Variants in LIMCH1 observed in about 807,000 individuals in gnomAD.
LIMCH1 encodes the protein LIM and calponin homology domains 1, also known as LIM and calponin homology domains-containing protein 1.
Under a neutral mutation model 176.5 loss-of-function variants are expected in LIMCH1, and 113 were observed. The observed-to-expected ratio is 0.64, with a 90% CI of 0.55 to 0.75. The LOEUF is 0.75. Among genes scored for constraint, LIMCH1 ranks in the 30% least tolerant of loss-of-function variants. LIMCH1 has a pLI of 0.00. For missense variants in LIMCH1, 1,674 were observed against 1,814.9 expected (o/e 0.92, Z 1.41); for synonymous variants, 619 against 645.9 (o/e 0.96, Z 0.63).
At chr4:41,597,929 A>G (rs2152743954) in intron 1 of LIMCH1, among the ~76,000 whole-genome samples, 1 of 152,290 alleles carries the variant, frequency 6.6e-6, no homozygotes, top group South Asian at 2.1e-4. Flanking sequence ...CACTAAGTTG[A>G]ATTGCACGTG....
At position 41,414,622 on chromosome 4, in the gene LIMCH1, A is replaced by G. The variant is rs935561685; in HGVS notation, c.96+53686A>G. 2.6e-5 allele frequency among the ~76,000 whole-genome samples: 4 copies of G among 152,146 alleles called. No homozygotes were observed. In the East Asian group the frequency reaches 7.7e-4, roughly 29 times the overall value. ...CCTGGAGCCTGATGTAAAATTATGC[A>G]TTATGTCACTGTGTCAACTACTCAT... On this transcript the variant is annotated intron_variant, in intron 1 of 26. Transcript: ENST00000313860.
intron 4 of LIMCH1, among the ~76,000 whole-genome samples, chr4:41,606,880 C>T (rs1211414482): frequency 6.6e-6 from 1 of 152,210 alleles, no homozygotes; most frequent in African/African-American, 2.4e-5. Flanking sequence ...CTGACTGCAA[C>T]GTCCGCCTCC....
chr4:41,477,959 G>A lies in LIMCH1; in HGVS notation c.97-16577G>A, dbSNP rs141876161. Among the ~76,000 whole-genome samples, 6 of 152,292 alleles carry A rather than the reference G, an allele frequency of 3.9e-5. No individual in the cohort carries two copies. The East Asian group carries it at 9.6e-4, about 24-fold the overall frequency. Reference sequence around the variant, plus strand: ...GACTTGAGGAATATTAGTAGATGAAGATGTATTTCTGTAATATTTGAACTA... The same window carrying A: ...GACTTGAGGAATATTAGTAGATGAAAATGTATTTCTGTAATATTTGAACTA... On this transcript the variant is annotated intron_variant, in intron 1 of 26. Coordinates refer to the LIMCH1 transcript ENST00000313860.
At chr4:41,674,054 A>T (rs2095138092) in intron 22 of LIMCH1, among the ~76,000 whole-genome samples, 1 of 152,174 alleles carries the variant, frequency 6.6e-6, no homozygotes, top group Admixed American at 6.5e-5. Flanking sequence ...CAAAAGAAGG[A>T]GCAAGATCAT....
intron 2 of LIMCH1, among the ~76,000 whole-genome samples, chr4:41,599,759 A>T (rs77640175): frequency 0.037 from 5,712 of 152,332 alleles, 164 homozygotes; most frequent in Non-Finnish European, 0.054. Flanking sequence ...AAACATAGTT[A>T]CATAGATAGG....
rs1046523528 is a variant in LIMCH1, at chr4:41,501,067, C to T, written c.167+6461C>T. On this transcript the variant is annotated intron_variant, in intron 2 of 26. Transcript: ENST00000313860. Reference sequence around the variant, plus strand: ...ATGACATATTTCAGCATGGGGGCTCCGGGTGAGGTCACTGGGGAGTTCAGG... The same window carrying T: ...ATGACATATTTCAGCATGGGGGCTCTGGGTGAGGTCACTGGGGAGTTCAGG... Among the ~76,000 whole-genome samples, 4 of 152,076 alleles carry T rather than the reference C, an allele frequency of 2.6e-5. No individual in the cohort carries two copies. In the East Asian group the frequency reaches 5.8e-4, roughly 22 times the overall value.
chr4:41,607,655 T>A (rs140960252), intron 4 of LIMCH1, among the ~76,000 whole-genome samples: 57 of 152,376 alleles, frequency 3.7e-4, no homozygotes, highest in African/African-American at 1.3e-3. Context: ...TTCTTACTAC[T>A]AGTCCAGCTC....
intron 4 of LIMCH1, among the ~76,000 whole-genome samples, chr4:41,607,174 T>C (rs1033092627): frequency 3.3e-5 from 5 of 152,216 alleles, no homozygotes; most frequent in African/African-American, 1.2e-4. Flanking sequence ...TTCTCTAGTA[T>C]GCAAAATAAA....
intron 1 of LIMCH1, among the ~76,000 whole-genome samples, chr4:41,487,870 T>C (rs1183565399): frequency 6.6e-6 from 1 of 151,488 alleles, no homozygotes; most frequent in African/African-American, 2.4e-5. Context: ...GCCAGGATGG[T>C]CTCAATCTCC....
intron 21 of LIMCH1, among the ~76,000 whole-genome samples, chr4:41,669,317 A>T (rs1200774423): frequency 3.9e-5 from 6 of 152,222 alleles, no homozygotes; most frequent in Non-Finnish European, 2.9e-5. Flanking sequence ...AATGTATTCT[A>T]GTAATTGTAG....
chr4:41,438,699 T>TTG (rs1554048049), intron 1 of LIMCH1, among the ~76,000 whole-genome samples: 2 of 151,986 alleles, frequency 1.3e-5, no homozygotes, highest in African/African-American at 4.8e-5. Context: ...TATTTTTTTT[T>TTG]TTTGTTTTGC....
intron 22 of LIMCH1, among the ~76,000 whole-genome samples, chr4:41,675,138 T>A (rs1232002504): frequency 6.6e-6 from 1 of 152,166 alleles, no homozygotes; most frequent in Non-Finnish European, 1.5e-5. Context: ...CAAGTTTCAT[T>A]TGTCCAAATA....
chr4:41,598,324 C>G (rs1043728104), intron 1 of LIMCH1, among the ~76,000 whole-genome samples: 2 of 152,126 alleles, frequency 1.3e-5, no homozygotes, highest in Admixed American at 6.5e-5. Flanking sequence ...TCTTGACAGT[C>G]TTTTGCATTA....
intron 1 of LIMCH1, among the ~76,000 whole-genome samples, chr4:41,400,511 G>C (rs994477425): frequency 3.3e-5 from 5 of 152,164 alleles, no homozygotes; most frequent in Non-Finnish European, 7.4e-5. Context: ...CTGGAATGTA[G>C]GGAATTTTTC....
rs376424238 is a variant in LIMCH1, at chr4:41,494,598, C to T, written c.159C>T (p.Leu53=). ...GGACAGGTTTAGAAAATGGAATCCT[C>T]CTCTGCGAGTAAGTATAGCCTATAT... Residue 53 remains leucine (L), a synonymous_variant, in exon 2 of 27, where the codon CTC becomes CTT. Coordinates refer to the LIMCH1 transcript ENST00000313860. 3.7e-6 allele frequency: 6 copies of T among 1,608,476 alleles called. No individual in the cohort carries two copies. The Admixed American group carries it at 5.0e-5, about 13-fold the overall frequency.
chr4:41,640,229 G>A (rs2093764077), intron 14 of LIMCH1, among the ~76,000 whole-genome samples: 1 of 152,156 alleles, frequency 6.6e-6, no homozygotes, highest in African/African-American at 2.4e-5. Context: ...ACCTGCAATG[G>A]CAATATTTAA....
intron 2 of LIMCH1, among the ~76,000 whole-genome samples, chr4:41,514,947 G>A (rs143194964): frequency 2.0e-5 from 3 of 152,206 alleles, no homozygotes; most frequent in Non-Finnish European, 4.4e-5. Flanking sequence ...CCACATCTGA[G>A]ATTGTGTCAG....
Position 41,670,148 on chromosome 4 carries a change from G to A in LIMCH1, c.3398-1406G>A, listed in dbSNP as rs114658230. 6.2e-3 allele frequency among the ~76,000 whole-genome samples: 947 copies of A among 152,264 alleles called. 7 individuals are homozygous for A. Among genetic ancestry groups the A allele is most frequent in the Non-Finnish European group, 8.6e-3 (582 of 68,018 alleles). ...ACTGATGTTTCAGTAAAATATGTGC[G>A]CATTAAAAACTGATTTTTTTATTGA... On this transcript the variant is annotated intron_variant, in intron 21 of 31. Transcript: ENST00000503057.
intron 8 of LIMCH1, among the ~76,000 whole-genome samples, chr4:41,627,736 C>T (rs1458552807): frequency 6.6e-6 from 1 of 152,190 alleles, no homozygotes; most frequent in Non-Finnish European, 1.5e-5. Flanking sequence ...GATATGATTT[C>T]ATTTAGGGAA....
Sources: allele counts gnomAD v4.1 joint callset (sites outside exome capture counted in the v4.1 genomes callset), GRCh38; gene constraint gnomAD v4.1.1; transcripts MANE v1.5; gene names NCBI Gene and HGNC (gene_info 2026-07-23, HGNC 2026-07-21).